The following DPYD variants were observed in gnomAD, a reference collection of about 807,000 sequenced individuals.
The protein encoded by DPYD is dihydropyrimidine dehydrogenase [NADP(+)].
DPYD carries 109 observed loss-of-function variants against 116.2 expected under a neutral mutation model. The ratio of observed to expected loss-of-function variants is 0.94; its 90% confidence interval spans 0.80 to 1.10. The LOEUF is 1.10. Among genes scored for constraint, DPYD ranks in the 50% least tolerant of loss-of-function variants. The pLI is 0.00. For missense variants in DPYD, 1,302 were observed against 1,254.5 expected, an observed-to-expected ratio of 1.04 and a Z score of -0.57; for synonymous variants, 440 against 432.0, an observed-to-expected ratio of 1.02 and a Z score of -0.23.
At chr1:97,426,323 T>C (rs559587653) in intron 14 of DPYD, among the ~76,000 whole-genome samples, 3 of 152,146 alleles carry the variant, frequency 2.0e-5, no homozygotes, top group East Asian at 1.9e-4. Context: ...GTCAGTGACA[T>C]GATGGCAAAA....
chr1:97,350,790 G>A (rs1670098751), intron 16 of DPYD, among the ~76,000 whole-genome samples: 1 of 152,116 alleles, frequency 6.6e-6, no homozygotes, highest in African/African-American at 2.4e-5. Context: ...CTGGAATCTG[G>A]TCAATAGAAA....
intron 19 of DPYD, among the ~76,000 whole-genome samples, chr1:97,234,219 C>T (rs1271186135): frequency 2.6e-5 from 4 of 151,898 alleles, no homozygotes; most frequent in South Asian, 4.2e-4. Context: ...GTACTAAGCC[C>T]ATGTTGAGCA....
chr1:97,691,697 T>C lies in DPYD; in HGVS notation c.762+20A>G. 2 of 1,598,184 alleles carry C rather than the reference T, an allele frequency of 1.3e-6. No homozygotes were observed. Among genetic ancestry groups the C allele is most frequent in the Non-Finnish European group, 1.7e-6 (2 of 1,165,802 alleles). On this transcript the variant is annotated intron_variant, in intron 7 of 22. Transcript: ENST00000370192. The stretch of plus-strand genomic sequence containing the variant: ...CCTTTCTTTTTGAGCAGTACACAGA[T>C]AGGTGTTTTTTTCATTTACCTTTAC...
chr1:97,834,100 A>G (rs1242328756), intron 2 of DPYD, among the ~76,000 whole-genome samples: 1 of 152,066 alleles, frequency 6.6e-6, no homozygotes, highest in Non-Finnish European at 1.5e-5. Flanking sequence ...TTAGAAACGG[A>G]AGTTACAAAT....
intron 21 of DPYD, among the ~76,000 whole-genome samples, chr1:97,089,129 A>G (rs1331341834): frequency 2.0e-5 from 3 of 152,208 alleles, no homozygotes; most frequent in Admixed American, 1.3e-4. Context: ...TCCATCTCTT[A>G]CTAGAAGCAG....
At chr1:97,384,912 T>C (rs79537678) in intron 14 of DPYD, among the ~76,000 whole-genome samples, 1,530 of 152,204 alleles carry the variant, frequency 0.01, 9 homozygotes, top group Non-Finnish European at 0.015. Context: ...AGATGATGGA[T>C]AGAGAAGGAA....
intron 16 of DPYD, among the ~76,000 whole-genome samples, chr1:97,336,976 T>C (rs1669322912): frequency 1.3e-5 from 2 of 152,202 alleles, no homozygotes; most frequent in South Asian, 4.1e-4. Context: ...GGGAGATGAT[T>C]GTGAAAACGT....
In DPYD at chr1:97,167,741, G is replaced by C. The variant is rs186590136; in HGVS notation, c.2622+25328C>G. On this transcript the variant is annotated intron_variant, in intron 20 of 22. Coordinates refer to ENST00000370192, the MANE Select transcript of DPYD (RefSeq NM_000110.4). ...TGAAAGCTGTTAATTATCTTAAGTA[G>C]GTTAAACAATTTCTTGAAATGTGTT... 9.3e-4 allele frequency among the ~76,000 whole-genome samples: 142 copies of C among 152,168 alleles called. 2 individuals are homozygous for C. In the East Asian group the frequency reaches 0.022, roughly 23 times the overall value.
At chr1:97,427,894 A>C (rs1422480539) in intron 14 of DPYD, among the ~76,000 whole-genome samples, 1 of 152,098 alleles carries the variant, frequency 6.6e-6, no homozygotes, top group South Asian at 2.1e-4. Flanking sequence ...GGAATAGAAA[A>C]TAGTATGTAT....
intron 5 of DPYD, among the ~76,000 whole-genome samples, chr1:97,712,166 T>C (rs960510156): frequency 6.6e-6 from 1 of 151,792 alleles, no homozygotes; most frequent in African/African-American, 2.4e-5. Flanking sequence ...TGCCAATCTC[T>C]GTCTCTCTAC....
chr1:97,251,583 A>G (rs1663104405), intron 18 of DPYD, among the ~76,000 whole-genome samples: 2 of 152,096 alleles, frequency 1.3e-5, no homozygotes, highest in Non-Finnish European at 1.5e-5. Flanking sequence ...CGTAATCTCC[A>G]TGAAATTTTC....
intron 1 of DPYD, among the ~76,000 whole-genome samples, chr1:97,889,851 A>G (rs1464549255): frequency 6.6e-6 from 1 of 152,040 alleles, no homozygotes; most frequent in African/African-American, 2.4e-5. Flanking sequence ...TGTATGCTAG[A>G]TGAAAAAACA....
chr1:97,532,851 T>C (rs536358883), intron 12 of DPYD, among the ~76,000 whole-genome samples: 3 of 151,940 alleles, frequency 2.0e-5, no homozygotes, highest in Admixed American at 2.0e-4. Flanking sequence ...ATTCATTTTA[T>C]CATTTATTCC....
At chr1:97,261,845 C>T (rs943545873) in intron 18 of DPYD, among the ~76,000 whole-genome samples, 21 of 151,878 alleles carry the variant, frequency 1.4e-4, no homozygotes, top group African/African-American at 4.8e-5. Flanking sequence ...ATTAAAACTC[C>T]GTAAGTTTTT....
intron 18 of DPYD, among the ~76,000 whole-genome samples, chr1:97,272,297 G>C (rs1352712965): frequency 6.6e-6 from 1 of 152,140 alleles, no homozygotes; most frequent in Non-Finnish European, 1.5e-5. Context: ...GTTGCTTCTA[G>C]TCTGACTCTT....
intron 20 of DPYD, among the ~76,000 whole-genome samples, chr1:97,129,046 A>G (rs1316128453): frequency 6.7e-6 from 1 of 150,114 alleles, no homozygotes; most frequent in African/African-American, 2.5e-5. Context: ...GCAAATACTC[A>G]TTCTAAAAGG....
rs1042117419 is a variant in DPYD at position 97,751,261 on chromosome 1, C to T, written c.234-10782G>A. 2.0e-5 allele frequency among the ~76,000 whole-genome samples: 3 copies of T among 150,176 alleles called. No homozygotes were observed. In the South Asian group the frequency reaches 6.3e-4, roughly 31 times the overall value. On this transcript the variant is annotated intron_variant, in intron 3 of 22. Transcript: ENST00000370192. ...GACTTAATATACTGGACACATACTTCATGGAGAGGGCTTTCAAAATATATA... is the reference window on the plus strand; with the variant it reads ...GACTTAATATACTGGACACATACTTTATGGAGAGGGCTTTCAAAATATATA...
At chr1:97,628,678 A>G (rs1657078477) in intron 8 of DPYD, among the ~76,000 whole-genome samples, 2 of 152,104 alleles carry the variant, frequency 1.3e-5, no homozygotes, top group Admixed American at 1.3e-4. Flanking sequence ...AGTCCAACTT[A>G]GACTTACAAA....
chr1:97,423,967 C>T (rs538262659), intron 14 of DPYD, among the ~76,000 whole-genome samples: 7 of 152,088 alleles, frequency 4.6e-5, no homozygotes, highest in Non-Finnish European at 1.0e-4. Context: ...TAGACCTAGT[C>T]CTCCTGATTC....
Sources: allele counts gnomAD v4.1 joint callset (sites outside exome capture counted in the v4.1 genomes callset), GRCh38; gene constraint gnomAD v4.1.1; transcripts MANE v1.5; gene names NCBI Gene and HGNC (gene_info 2026-07-23, HGNC 2026-07-21).